Variants in INPP5A observed in about 807,000 individuals in gnomAD.
INPP5A encodes the protein 43 kDa inositol polyphosphate 5-phophatase.
Under a neutral mutation model 65.2 loss-of-function variants are expected in INPP5A, and 14 were observed. That is an observed-to-expected ratio of 0.21 (90% confidence interval 0.14 to 0.34). The LOEUF (loss-of-function observed/expected upper bound fraction) is 0.34, where lower values mean the gene tolerates loss of function less well. INPP5A is among the 10% of genes least tolerant of loss of function. The pLI is 1.00. For synonymous variants in INPP5A, 207 were observed against 208.3 expected (o/e 0.99, Z 0.05); for missense variants, 431 against 545.6 (o/e 0.79, Z 2.09).
rs372838849 is a variant in INPP5A at position 132,546,621 on chromosome 10, G to A, written c.75+8450G>A. Among the ~76,000 whole-genome samples, 82 of 152,206 alleles carry A rather than the reference G, an allele frequency of 5.4e-4. No individual in the cohort carries two copies. The highest frequency in any genetic ancestry group is 1.7e-3 in the African/African-American group (70 of 41,520). ...GGCAGCTTTCCCCGGCCCCTTCCCC[G>A]CCTCCTTCCCACTCTGGATTGTCCT... is the stretch of plus-strand genomic sequence containing the variant. On this transcript the variant is annotated intron_variant, in intron 1 of 15. Coordinates refer to ENST00000368594, the MANE Select transcript of INPP5A (RefSeq NM_005539.5). This position sits in a 1 kb window ranked among gnomAD's most constrained non-coding sequence, Gnocchi z 5.7.
rs563111300 is a variant in INPP5A at position 132,772,890 on chromosome 10, C to T, written c.978-4781C>T. On this transcript the variant is annotated intron_variant, in intron 12 of 15. Coordinates refer to ENST00000368594, the MANE Select transcript of INPP5A (RefSeq NM_005539.5). ...GCACTGACACGGAGGCCACGGCAGC[C>T]GCCCCACGAAGAGTGGGACGGACAC... Among the ~76,000 whole-genome samples the T allele has an allele frequency of 1.3e-3, 199 of 147,480 alleles. 4 individuals are homozygous for T. Among genetic ancestry groups the T allele is most frequent in the African/African-American group, 4.7e-3 (185 of 39,208 alleles).
intron 4 of INPP5A, among the ~76,000 whole-genome samples, chr10:132,677,285 AC>A (rs1480613163): frequency 1.3e-5 from 2 of 151,286 alleles, no homozygotes; most frequent in Non-Finnish European, 2.9e-5. Flanking sequence ...GCAGAGCTGA[AC>A]CTCCCCACTG....
rs2071041244 is a variant in INPP5A at position 132,550,935 on chromosome 10, GCCAT to G, written c.75+12767_75+12770del. Among the ~76,000 whole-genome samples the G allele has an allele frequency of 6.6e-6, 1 of 152,208 alleles. No individual in the cohort carries two copies. The highest frequency in any genetic ancestry group is 1.5e-5 in the Non-Finnish European group (1 of 68,024). On this transcript the variant is annotated intron_variant, in intron 1 of 15. Coordinates refer to ENST00000368594, the MANE Select transcript of INPP5A (RefSeq NM_005539.5). The surrounding 1 kb of genome is among the most constrained non-coding windows in gnomAD (Gnocchi z 4.2). ...TGCGTGGCTCTCTAGGGTGGACCTG[GCCAT>G]CCTTGGGTGACAGTGGGCCATGTGG...
chr10:132,777,689 C>G lies in INPP5A; in HGVS notation c.996C>G (p.Asp332Glu). The change falls in exon 13 of 16, where the codon GAC (aspartate) becomes GAG (glutamate). Residue 332 changes from aspartate (D) to glutamate (E), a missense_variant. Coordinates refer to ENST00000368594, the MANE Select transcript of INPP5A (RefSeq NM_005539.5). The stretch of plus-strand genomic sequence containing the variant: ...TCCCCAGCTACCCGTACAGTGAGGA[C>G]GCCCGCCAGGGTGAGCAGTACATGA... Reference protein sequence around the residue: ...SFPPSYPYSEDARQGEQYMNT... With the variant: ...SFPPSYPYSEEARQGEQYMNT... 1 of 1,612,860 alleles carries G rather than the reference C, an allele frequency of 6.2e-7. No homozygotes were observed. The highest frequency in any genetic ancestry group is 8.5e-7 in the Non-Finnish European group (1 of 1,179,938).
rs565799635 is a variant in INPP5A at position 132,751,198 on chromosome 10, G to A, written c.903+1353G>A. ...CCTGCCCCTCATCAACCCAGAGCCC[G>A]AGGCTCCCGTGACGCCCACACCTCC... On this transcript the variant is annotated intron_variant, in intron 11 of 15. Transcript: ENST00000368594. 4.3e-4 allele frequency among the ~76,000 whole-genome samples: 65 copies of A among 152,282 alleles called. 3 individuals are homozygous for A. The South Asian group carries it at 0.012, about 29-fold the overall frequency.
intron 2 of INPP5A, among the ~76,000 whole-genome samples, chr10:132,638,819 C>T (rs1304745549): frequency 6.6e-6 from 1 of 152,162 alleles, no homozygotes; most frequent in Non-Finnish European, 1.5e-5. Flanking sequence ...CCACCCGCCT[C>T]GGCCTCCCAA....
At position 132,780,896 on chromosome 10, in the gene INPP5A, C is replaced by T. The variant is rs773857518; in HGVS notation, c.1137C>T (p.Asn379=). 3.8e-6 allele frequency: 6 copies of T among 1,590,442 alleles called. No homozygotes were observed. Among genetic ancestry groups the T allele is most frequent in the Admixed American group, 3.4e-5 (2 of 59,196 alleles). Residue 379 remains asparagine, a synonymous_variant, in exon 14 of 16, where the codon AAC becomes AAT. Coordinates refer to ENST00000368594, the MANE Select transcript of INPP5A (RefSeq NM_005539.5). ...TCACCTATGACCACATTGGGCCCAA[C>T]GTCTGCATGGGAGACCACAAGGTGA... is the stretch of plus-strand genomic sequence containing the variant. The part of the protein sequence containing the change: ...KVVTYDHIGP[N]VCMGDHKPVF...
intron 4 of INPP5A, among the ~76,000 whole-genome samples, chr10:132,681,018 C>G (rs950968172): frequency 2.0e-5 from 3 of 152,256 alleles, no homozygotes; most frequent in Non-Finnish European, 4.4e-5. Context: ...CATCGACCAC[C>G]CAAGGGCTTG....
At chr10:132,775,643 G>C (rs1847052022) in intron 12 of INPP5A, among the ~76,000 whole-genome samples, 1 of 152,104 alleles carries the variant, frequency 6.6e-6, no homozygotes, top group African/African-American at 2.4e-5. Context: ...TCTTCCTCCT[G>C]TTGAGTCGTC....
intron 9 of INPP5A, 140 bp from the exon 10 acceptor site, chr10:132,749,377 C>T (rs1846429866): frequency 1.4e-6 from 1 of 710,290 alleles, no homozygotes; most frequent in African/African-American, 1.8e-5. Context: ...GGCCCCTGAC[C>T]CCAGGTGCGG....
chr10:132,769,404 C>G (rs1043753003), intron 12 of INPP5A, among the ~76,000 whole-genome samples: 2 of 152,224 alleles, frequency 1.3e-5, no homozygotes, highest in Non-Finnish European at 2.9e-5. Flanking sequence ...CTGCCTCTGC[C>G]TCTGCATAAG....
chr10:132,745,490 C>T (rs569210436), intron 9 of INPP5A, among the ~76,000 whole-genome samples: 3 of 150,702 alleles, frequency 2.0e-5, no homozygotes, highest in African/African-American at 7.2e-5. Context: ...CCCAGCTTTC[C>T]CTTCCCGAGT....
At chr10:132,754,158 A>G (rs1846547155) in intron 11 of INPP5A, among the ~76,000 whole-genome samples, 2 of 152,202 alleles carry the variant, frequency 1.3e-5, no homozygotes, top group Non-Finnish European at 2.9e-5. Flanking sequence ...CCCGCCACAC[A>G]GGATCCCCCC....
intron 2 of INPP5A, among the ~76,000 whole-genome samples, chr10:132,625,115 C>T (rs1262072430): frequency 3.2e-5 from 4 of 125,878 alleles, no homozygotes; most frequent in East Asian, 5.9e-4. Context: ...CTCCCTCCCC[C>T]CTCCCCCTCC....
chr10:132,655,187 G>A (rs1169245868), intron 4 of INPP5A, among the ~76,000 whole-genome samples: 2 of 152,228 alleles, frequency 1.3e-5, no homozygotes, highest in East Asian at 1.9e-4. Flanking sequence ...AGTGCCAGGC[G>A]GTCTGTGTGC....
At chr10:132,571,025 G>A (rs1427200246) in intron 1 of INPP5A, among the ~76,000 whole-genome samples, 1 of 144,020 alleles carries the variant, frequency 6.9e-6, no homozygotes, top group Admixed American at 7.1e-5. Context: ...CCGTGGGTTC[G>A]GGGCGTTGGA....
At chr10:132,776,406 T>A (rs1565014787) in intron 12 of INPP5A, among the ~76,000 whole-genome samples, 1 of 149,952 alleles carries the variant, frequency 6.7e-6, no homozygotes, top group Non-Finnish European at 1.5e-5. Flanking sequence ...CAGGCGCCCC[T>A]GTGGGCAGGG....
intron 14 of INPP5A, 73 bp downstream of exon 14, chr10:132,780,990 A>C: frequency 2.6e-5 from 6 of 226,942 alleles, no homozygotes; most frequent in East Asian, 1.2e-4. Context: ...GGCTGGGGCC[A>C]GTGGGTGGGC....
chr10:132,767,866 G>T (rs1469768674), intron 12 of INPP5A, among the ~76,000 whole-genome samples: 1 of 149,744 alleles, frequency 6.7e-6, no homozygotes, highest in African/African-American at 2.5e-5. Context: ...CGTTCCCAGG[G>T]TGCCCACGCA....
Sources: allele counts gnomAD v4.1 joint callset (sites outside exome capture counted in the v4.1 genomes callset), GRCh38; gene constraint gnomAD v4.1.1; non-coding constraint Gnocchi (gnomAD v3.1); transcripts MANE v1.5; gene names NCBI Gene and HGNC (gene_info 2026-07-23, HGNC 2026-07-21).